SV2C: variants seen among roughly 807,000 people sequenced by gnomAD.
The protein encoded by SV2C is solute carrier family 22 member B3.
Under a neutral mutation model 79.7 loss-of-function variants are expected in SV2C, and 49 were observed. That is an observed-to-expected ratio of 0.61 (90% confidence interval 0.49 to 0.78). The LOEUF (loss-of-function observed/expected upper bound fraction) is 0.78, where lower values mean the gene tolerates loss of function less well. Ranked by LOEUF, SV2C falls within the 30% of genes least tolerant of loss-of-function variation. The pLI is 0.00. For synonymous variants in SV2C, 334 were observed against 333.2 expected, an observed-to-expected ratio of 1.00 and a Z score of -0.03; for missense variants, 833 against 912.9, an observed-to-expected ratio of 0.91 and a Z score of 1.13.
At chr5:76,351,824 C>T (rs1195888789) in intron 12 of SV2C, among the ~76,000 whole-genome samples, 1 of 152,192 alleles carries the variant, frequency 6.6e-6, no homozygotes, top group Non-Finnish European at 1.5e-5. Flanking sequence ...ATTTCTCACC[C>T]TCGCATGGCA....
intron 12 of SV2C, among the ~76,000 whole-genome samples, chr5:76,343,968 C>T (rs567838509): frequency 1.7e-4 from 26 of 152,252 alleles, no homozygotes; most frequent in East Asian, 3.9e-4. Flanking sequence ...TTACAGTGAA[C>T]GGTGATCACG....
chr5:76,125,948 T>C (rs1381976324), intron 1 of SV2C, among the ~76,000 whole-genome samples: 2 of 152,112 alleles, frequency 1.3e-5, no homozygotes, highest in Admixed American at 6.5e-5. Flanking sequence ...TCCCAGCTAC[T>C]TGGGAGGCTG....
At chr5:76,195,334 G>A (rs1443411840) in intron 3 of SV2C, among the ~76,000 whole-genome samples, 1 of 152,276 alleles carries the variant, frequency 6.6e-6, no homozygotes, top group East Asian at 1.9e-4. Context: ...TAGAAGAAGA[G>A]TATTGTTTTA....
At chr5:76,230,310 T>C in intron 4 of SV2C, among the ~76,000 whole-genome samples, 1 of 145,666 alleles carries the variant, frequency 6.9e-6, no homozygotes, top group East Asian at 1.9e-4. Context: ...AAAGGGATAA[T>C]TAACAATGCA....
At chr5:76,035,653 G>T in the SV2C span, among the ~76,000 whole-genome samples, 1 of 152,122 alleles carries the variant, frequency 6.6e-6, no homozygotes, top group East Asian at 1.9e-4. Context: ...CCTGAGGAGA[G>T]GTTTACTTCC....
intron 6 of SV2C, among the ~76,000 whole-genome samples, chr5:76,290,255 G>A (rs1465317057): frequency 6.6e-6 from 1 of 152,118 alleles, no homozygotes; most frequent in East Asian, 1.9e-4. Context: ...TGCCTACTTG[G>A]TATAATTTGA....
chr5:76,232,629 A>G (rs1158964398), intron 4 of SV2C, among the ~76,000 whole-genome samples: 1 of 149,280 alleles, frequency 6.7e-6, no homozygotes, highest in African/African-American at 2.6e-5. Context: ...GGTGTAAGGA[A>G]GGGATCCAGT....
chr5:76,182,280 C>G (rs1280689157), intron 2 of SV2C, among the ~76,000 whole-genome samples: 6 of 152,040 alleles, frequency 3.9e-5, no homozygotes, highest in Admixed American at 3.9e-4. Flanking sequence ...CCAGACCTAC[C>G]CGCCTCTTGT....
the SV2C span, among the ~76,000 whole-genome samples, chr5:75,950,296 A>T: frequency 6.6e-6 from 1 of 152,176 alleles, no homozygotes; most frequent in Admixed American, 6.6e-5. Context: ...TGAAGAGAAC[A>T]CAGCTGAGAA....
chr5:76,231,440 AT>A (rs945640084), intron 4 of SV2C, among the ~76,000 whole-genome samples: 307 of 151,178 alleles, frequency 2.0e-3, no homozygotes, highest in African/African-American at 5.7e-3. Flanking sequence ...TTATTTATTT[AT>A]TTTTTTTTAT....
chr5:75,910,175 G>A, the SV2C span: 1 of 343,984 alleles, frequency 2.9e-6, no homozygotes, highest in Admixed American at 3.9e-5. Flanking sequence ...AGTGGTTCAA[G>A]CCTGTAATCC....
intron 2 of SV2C, among the ~76,000 whole-genome samples, chr5:76,174,984 C>T (rs1038329755): frequency 6.6e-6 from 1 of 152,220 alleles, no homozygotes; most frequent in African/African-American, 2.4e-5. Context: ...ACCCGTGAGC[C>T]TGGCGGTCTA....
the SV2C span, among the ~76,000 whole-genome samples, chr5:75,861,253 C>A: frequency 4.6e-5 from 7 of 151,996 alleles, no homozygotes; most frequent in Non-Finnish European, 1.0e-4. Flanking sequence ...CAGAGACATT[C>A]AAATATAAAC....
At chr5:76,349,030 C>T (rs1749595698) in intron 12 of SV2C, among the ~76,000 whole-genome samples, 1 of 151,582 alleles carries the variant, frequency 6.6e-6, no homozygotes, top group Non-Finnish European at 1.5e-5. Context: ...GATGCTAGAG[C>T]CAAATTTCCT....
At chr5:76,286,616 T>A (rs555271666) in intron 6 of SV2C, 1 of 151,742 alleles carries the variant, frequency 6.6e-6, no homozygotes, top group South Asian at 2.1e-4. Context: ...AATCTCTGGG[T>A]TTCCTGATGT....
chr5:76,038,949 A>C, the SV2C span, among the ~76,000 whole-genome samples: 3 of 152,236 alleles, frequency 2.0e-5, 1 homozygote, highest in Admixed American at 2.0e-4. Context: ...TTCCAGAAGA[A>C]ACAGTAGAAC....
intron 2 of SV2C, among the ~76,000 whole-genome samples, chr5:76,188,314 A>G (rs1036965703): frequency 6.6e-6 from 1 of 152,214 alleles, no homozygotes; most frequent in Non-Finnish European, 1.5e-5. Context: ...TTTACACAGT[A>G]CTAAGCACTT....
intron 1 of SV2C, among the ~76,000 whole-genome samples, chr5:76,096,450 A>C (rs1747563418): frequency 6.6e-6 from 1 of 152,156 alleles, no homozygotes; most frequent in African/African-American, 2.4e-5. Flanking sequence ...TTTCATCCAC[A>C]AATCTGTAAA....
At chr5:75,921,345 G>A in the SV2C span, 1 of 1,043,770 alleles carries the variant, frequency 9.6e-7, no homozygotes, top group Admixed American at 1.7e-5. Context: ...TCCACATGCT[G>A]CCTGCTGCTG....
Sources: gnomAD v4.1 joint callset for allele counts (sites outside exome capture counted in the v4.1 genomes callset) on GRCh38, gnomAD v4.1.1 for gene constraint, MANE v1.5 for transcripts, NCBI Gene and HGNC (gene_info 2026-07-23, HGNC 2026-07-21) for gene names.